Variants in SAMD4A observed in about 807,000 individuals in gnomAD.
SAMD4A encodes protein Smaug homolog 1.
Under a neutral mutation model 81.3 loss-of-function variants are expected in SAMD4A, and 33 were observed. The observed-to-expected ratio is 0.41, with a 90% CI of 0.31 to 0.54. The LOEUF (loss-of-function observed/expected upper bound fraction) is 0.54. SAMD4A is among the 20% of genes least tolerant of loss of function. The probability of loss-of-function intolerance (pLI) is 0.37; values close to 1 mark genes in which losing one functional copy is unlikely to be tolerated. For synonymous variants in SAMD4A, 389 were observed against 382.1 expected (o/e 1.02, Z -0.21); for missense variants, 854 against 951.1 (o/e 0.90, Z 1.34).
At chr14:54,762,522 G>A (rs2038427040) in intron 7 of SAMD4A, among the ~76,000 whole-genome samples, 1 of 151,862 alleles carries the variant, frequency 6.6e-6, no homozygotes, top group South Asian at 2.1e-4. Flanking sequence ...CCACCCCTTA[G>A]CTGTGTTGGA....
chr14:54,591,800 G>A (rs1449727115), intron 2 of SAMD4A, among the ~76,000 whole-genome samples: 1 of 152,030 alleles, frequency 6.6e-6, no homozygotes, highest in African/African-American at 2.4e-5. Context: ...TCATAGCATT[G>A]ATTTATTAAA....
At chr14:54,693,518 A>G (rs1341207278) in intron 2 of SAMD4A, 1 of 152,232 alleles carries the variant, frequency 6.6e-6, no homozygotes, top group Non-Finnish European at 1.5e-5. Flanking sequence ...CTCCATCTCT[A>G]CAAAAAATAC....
intron 2 of SAMD4A, among the ~76,000 whole-genome samples, chr14:54,627,836 G>T (rs1482426303): frequency 2.6e-5 from 4 of 152,178 alleles, no homozygotes; most frequent in Admixed American, 6.5e-5. Context: ...TGCAGAGAGG[G>T]TTTTAAAGGA....
chr14:54,788,961 T>A lies in SAMD4A; in HGVS notation c.*17T>A. 4 of 1,613,956 alleles carry A rather than the reference T, an allele frequency of 2.5e-6. No homozygotes were observed. Among genetic ancestry groups the A allele is most frequent in the Non-Finnish European group, 3.4e-6 (4 of 1,179,844 alleles). ...ACCATCTAGAAGCTGAAGACGAGAG[T>A]GACCGCGCTGGCCGTGAAATCGACT... On this transcript the variant is annotated 3_prime_UTR_variant, in exon 13 of 13. Transcript: ENST00000554335.
chr14:54,625,120 C>T (rs866849457), intron 2 of SAMD4A, among the ~76,000 whole-genome samples: 2 of 151,838 alleles, frequency 1.3e-5, no homozygotes, highest in Non-Finnish European at 1.5e-5. Flanking sequence ...CCTATGTCCC[C>T]CTCCCCCCAG....
chr14:54,587,921 C>T (rs2140169958), intron 2 of SAMD4A, among the ~76,000 whole-genome samples: 1 of 152,226 alleles, frequency 6.6e-6, no homozygotes, highest in South Asian at 2.1e-4. Context: ...AGGGAGGATT[C>T]CCTCTTTCTC....
At chr14:54,770,266 G>A in intron 9 of SAMD4A, 44 bp downstream of exon 9, 2 of 1,366,048 alleles carry the variant, frequency 1.5e-6, no homozygotes, top group Non-Finnish European at 2.1e-6. Flanking sequence ...TGGTTCCCCT[G>A]GCGCCTTGTT....
At chr14:54,750,883 C>A (rs899207874) in intron 5 of SAMD4A, among the ~76,000 whole-genome samples, 4 of 152,218 alleles carry the variant, frequency 2.6e-5, no homozygotes, top group African/African-American at 9.6e-5. Context: ...TGTTCCACAT[C>A]TCTCTCTAAG....
chr14:54,586,375 G>T (rs562338084), intron 2 of SAMD4A, among the ~76,000 whole-genome samples: 1 of 152,284 alleles, frequency 6.6e-6, no homozygotes, highest in South Asian at 2.1e-4. Context: ...CACTCTGTGG[G>T]TTATCTGTTT....
rs914843648 is a variant in SAMD4A, at chr14:54,723,999, T to C, written c.716-13025T>C. Among the ~76,000 whole-genome samples the C allele has an allele frequency of 3.4e-3, 181 of 52,990 alleles. 3 individuals are homozygous for C. The highest frequency in any genetic ancestry group is 0.013 in the South Asian group (20 of 1,496). The allele number at this position is 52,990 out of a possible 152,430, so 34.8% of individuals were successfully genotyped here. The stretch of plus-strand genomic sequence containing the variant: ...AGATGCTCAGCAAATATTGGATGGA[T>C]GGATGGATGGAAGGAAGGAAGGAAG... On this transcript the variant is annotated intron_variant, in intron 3 of 12. Transcript: ENST00000554335.
intron 11 of SAMD4A, among the ~76,000 whole-genome samples, chr14:54,783,928 G>A (rs2039067711): frequency 6.6e-6 from 1 of 152,344 alleles, no homozygotes; most frequent in East Asian, 1.9e-4. Context: ...GGTCAGGGGA[G>A]GGGGACAGTA....
At chr14:54,688,275 C>T (rs1451713070) in intron 2 of SAMD4A, 57 of 985,330 alleles carry the variant, frequency 5.8e-5, no homozygotes, top group Admixed American at 6.1e-5. Flanking sequence ...CTTCACCAAA[C>T]GGTTCTCCGG....
intron 2 of SAMD4A, among the ~76,000 whole-genome samples, chr14:54,582,246 GT>G (rs200173864): frequency 9.4e-5 from 14 of 149,130 alleles, no homozygotes; most frequent in East Asian, 2.0e-4. Flanking sequence ...TGCTGCTGCT[GT>G]TTTTTTTTTA....
intron 2 of SAMD4A, among the ~76,000 whole-genome samples, chr14:54,636,308 C>T (rs766637428): frequency 1.3e-5 from 2 of 151,976 alleles, no homozygotes; most frequent in African/African-American, 2.4e-5. Flanking sequence ...GAGGAGTGAT[C>T]AAGAGGAAGG....
At chr14:54,660,782 GC>G (rs1216328921) in intron 2 of SAMD4A, among the ~76,000 whole-genome samples, 8 of 152,328 alleles carry the variant, frequency 5.3e-5, no homozygotes, top group Non-Finnish European at 1.2e-4. Flanking sequence ...TGAGATCCGT[GC>G]ATAATTTTCC....
chr14:54,649,214 CA>C (rs2035351697), intron 2 of SAMD4A, among the ~76,000 whole-genome samples: 1 of 152,122 alleles, frequency 6.6e-6, no homozygotes, highest in Non-Finnish European at 1.5e-5. Flanking sequence ...GGAGCTGTCT[CA>C]TGATTTGGTG....
At chr14:54,776,310 T>TA in intron 10 of SAMD4A, 104 bp from the exon 11 acceptor site, 1 of 1,249,894 alleles carries the variant, frequency 8.0e-7, no homozygotes. Context: ...TTCTAGAAGT[T>TA]AGAGTTCTCC....
rs71131227 is a variant in SAMD4A, at chr14:54,724,007, T to TGGAAGGAAGGAAGGAAGAAGGAAGGAA, written c.716-13000_716-12999insAAGGAAGGAAGGAAGGAAGGAAGGAAG. Among the ~76,000 whole-genome samples, 587 of 124,244 alleles carry TGGAAGGAAGGAAGGAAGAAGGAAGGAA rather than the reference T, an allele frequency of 4.7e-3. 6 individuals are homozygous for TGGAAGGAAGGAAGGAAGAAGGAAGGAA. Among genetic ancestry groups the TGGAAGGAAGGAAGGAAGAAGGAAGGAA allele is most frequent in the Admixed American group, 6.0e-3 (71 of 11,808 alleles). The allele number at this position is 124,244 out of a possible 152,430, so 81.5% of individuals were successfully genotyped here. On this transcript the variant is annotated intron_variant, in intron 3 of 12. Coordinates refer to ENST00000554335, the MANE Select transcript of SAMD4A (RefSeq NM_015589.6). ...AGCAAATATTGGATGGATGGATGGA[T>TGGAAGGAAGGAAGGAAGAAGGAAGGAA]GGAAGGAAGGAAGGAAGGAAGGAAG...
chr14:54,579,661 T>TA (rs532813396), intron 2 of SAMD4A, among the ~76,000 whole-genome samples: 94 of 152,282 alleles, frequency 6.2e-4, no homozygotes, highest in African/African-American at 2.2e-3. Flanking sequence ...CCACTGGCTT[T>TA]AAAAAAATGA....
Sources: allele counts gnomAD v4.1 joint callset (sites outside exome capture counted in the v4.1 genomes callset), GRCh38; gene constraint gnomAD v4.1.1; transcripts MANE v1.5; gene names NCBI Gene and HGNC (gene_info 2026-07-23, HGNC 2026-07-21).